The following PLCB4 variants were observed in gnomAD, a reference collection of about 807,000 sequenced individuals.
PLCB4 encodes the protein phospholipase C beta 4, also known as 1-phosphatidylinositol 4,5-bisphosphate phosphodiesterase beta-4.
PLCB4 carries 77 observed loss-of-function variants against 178.8 expected under a neutral mutation model. The observed-to-expected ratio is 0.43, with a 90% CI of 0.36 to 0.52. The LOEUF is 0.52. Ranked by LOEUF, PLCB4 falls within the 20% of genes least tolerant of loss-of-function variation. PLCB4 has a pLI of 0.00. For missense variants in PLCB4, 1,024 were observed against 1,453.4 expected (o/e 0.70, Z 4.80); for synonymous variants, 496 against 490.8 (o/e 1.01, Z -0.14).
intron 3 of PLCB4, among the ~76,000 whole-genome samples, chr20:9,300,338 G>A (rs2094688749): frequency 6.6e-6 from 1 of 151,988 alleles, no homozygotes; most frequent in Non-Finnish European, 1.5e-5. Context: ...AATTTGTTAT[G>A]GAAATTTTTT....
intron 3 of PLCB4, among the ~76,000 whole-genome samples, chr20:9,279,901 G>A (rs1034834359): frequency 1.3e-5 from 2 of 151,940 alleles, no homozygotes; most frequent in African/African-American, 4.8e-5. Context: ...AATCTCTTTG[G>A]AATCGTCACA....
intron 2 of PLCB4, among the ~76,000 whole-genome samples, chr20:9,165,144 G>A (rs1392428626): frequency 6.6e-6 from 1 of 152,160 alleles, no homozygotes; most frequent in African/African-American, 2.4e-5. Context: ...ACAGGCACGT[G>A]CCCGCTATAG....
At chr20:9,291,819 G>A (rs922233652) in intron 3 of PLCB4, among the ~76,000 whole-genome samples, 2 of 152,138 alleles carry the variant, frequency 1.3e-5, no homozygotes, top group African/African-American at 2.4e-5. Context: ...TATGAAGACT[G>A]TTGATTTCGG....
intron 28 of PLCB4, among the ~76,000 whole-genome samples, chr20:9,427,966 T>C (rs928710179): frequency 8.5e-5 from 13 of 152,196 alleles, no homozygotes; most frequent in African/African-American, 3.1e-4. Context: ...AACTATTTTA[T>C]GTCAGGGAAG....
At chr20:9,107,173 G>A (rs963849552) in intron 2 of PLCB4, among the ~76,000 whole-genome samples, 1 of 152,058 alleles carries the variant, frequency 6.6e-6, no homozygotes, top group African/African-American at 2.4e-5. Context: ...GAAAAACCAG[G>A]TTATAGTGGA....
At chr20:9,404,089 A>G (rs1288828198) in intron 20 of PLCB4, among the ~76,000 whole-genome samples, 1 of 152,164 alleles carries the variant, frequency 6.6e-6, no homozygotes, top group Non-Finnish European at 1.5e-5. Context: ...TCTTTTTCGG[A>G]TGAATGAATC....
At chr20:9,244,232 A>C (rs1288832311) in intron 3 of PLCB4, among the ~76,000 whole-genome samples, 1 of 152,192 alleles carries the variant, frequency 6.6e-6, no homozygotes, top group Non-Finnish European at 1.5e-5. Flanking sequence ...CCCCAAGATA[A>C]TTGGGTTTCA....
intron 3 of PLCB4, among the ~76,000 whole-genome samples, chr20:9,244,718 T>G (rs1353103104): frequency 6.6e-6 from 1 of 152,144 alleles, no homozygotes; most frequent in Admixed American, 6.5e-5. Context: ...AAAGTTTAAG[T>G]TTGTTCTTTA....
chr20:9,170,121 T>A (rs1265848282), intron 2 of PLCB4, among the ~76,000 whole-genome samples: 5 of 152,208 alleles, frequency 3.3e-5, no homozygotes, highest in Non-Finnish European at 5.9e-5. Context: ...AGAAAGTTCC[T>A]GCATTCCTTC....
At chr20:9,424,608 G>A (rs1461220100) in intron 28 of PLCB4, among the ~76,000 whole-genome samples, 1 of 152,164 alleles carries the variant, frequency 6.6e-6, no homozygotes, top group Non-Finnish European at 1.5e-5. Context: ...ATTAGCCAAG[G>A]GTTCAAATCC....
chr20:9,197,164 A>G (rs556236314), intron 2 of PLCB4, among the ~76,000 whole-genome samples: 3 of 152,314 alleles, frequency 2.0e-5, no homozygotes, highest in South Asian at 4.1e-4. Context: ...CCTCCAGGTA[A>G]ACGACCATGT....
At chr20:9,204,936 AT>A (rs1203069624) in intron 2 of PLCB4, among the ~76,000 whole-genome samples, 3 of 152,112 alleles carry the variant, frequency 2.0e-5, no homozygotes, top group Admixed American at 6.5e-5. Context: ...TTTCTGAATA[AT>A]TTTTATATTG....
intron 3 of PLCB4, among the ~76,000 whole-genome samples, chr20:9,297,950 T>G (rs538445025): frequency 1.5e-4 from 23 of 152,252 alleles, no homozygotes; most frequent in African/African-American, 5.5e-4. Context: ...TTGAAACTGA[T>G]TATTGCAGAT....
In PLCB4 at chr20:9,385,509, C is replaced by T. The variant is rs142058440; in HGVS notation, c.1064+1098C>T. 5.3e-3 allele frequency among the ~76,000 whole-genome samples: 774 copies of T among 146,386 alleles called. 8 individuals are homozygous for T. Among genetic ancestry groups the T allele is most frequent in the African/African-American group, 0.019 (733 of 39,210 alleles). ...GGCGCTCCTCACTTCCCAGTCGTGG[C>T]GGCTGGGCAAAGGCGCTTCTCACAT... On this transcript the variant is annotated intron_variant, in intron 14 of 39. Transcript: ENST00000378473.
At chr20:9,200,345 A>C (rs2093527281) in intron 2 of PLCB4, among the ~76,000 whole-genome samples, 1 of 152,202 alleles carries the variant, frequency 6.6e-6, no homozygotes, top group Non-Finnish European at 1.5e-5. Flanking sequence ...TACTGAATCC[A>C]ACAGCATTTC....
At chr20:9,074,493 C>T (rs984730028) in intron 1 of PLCB4, among the ~76,000 whole-genome samples, 1 of 152,172 alleles carries the variant, frequency 6.6e-6, no homozygotes, top group Non-Finnish European at 1.5e-5. Context: ...TGTTCTCTTT[C>T]ATAGGGGTAG....
At chr20:9,459,515 C>T (rs762548439) in intron 34 of PLCB4, 120 bp from the exon 35 acceptor site, 49 of 596,802 alleles carry the variant, frequency 8.2e-5, no homozygotes, top group Non-Finnish European at 1.3e-4. Flanking sequence ...TTATAGGTGT[C>T]TCATGATTCA....
chr20:9,249,338 C>G (rs2094156269), intron 3 of PLCB4, among the ~76,000 whole-genome samples: 1 of 152,062 alleles, frequency 6.6e-6, no homozygotes, highest in Admixed American at 6.6e-5. Flanking sequence ...GACAAGGTAT[C>G]TCTCTGTCGC....
chr20:9,315,171 T>C (rs1233663288), intron 4 of PLCB4, among the ~76,000 whole-genome samples: 1 of 152,206 alleles, frequency 6.6e-6, no homozygotes, highest in East Asian at 1.9e-4. Flanking sequence ...AGATCGTAAA[T>C]GTGTATACTT....
Sources: allele counts gnomAD v4.1 joint callset (sites outside exome capture counted in the v4.1 genomes callset), GRCh38; gene constraint gnomAD v4.1.1; transcripts MANE v1.5; gene names NCBI Gene and HGNC (gene_info 2026-07-23, HGNC 2026-07-21).